The following TACR1 variants were observed in gnomAD, a reference collection of about 807,000 sequenced individuals.
The protein encoded by TACR1 is tachykinin receptor 1.
Under a neutral mutation model 35.8 loss-of-function variants are expected in TACR1, and 25 were observed. The ratio of observed to expected loss-of-function variants is 0.70; its 90% confidence interval spans 0.51 to 0.98. TACR1 has a LOEUF of 0.98. TACR1 is among the 50% of genes least tolerant of loss of function. The pLI is 0.00. For synonymous variants in TACR1, 195 were observed against 206.7 expected (o/e 0.94, Z 0.48); for missense variants, 478 against 522.9 (o/e 0.91, Z 0.84).
intron 1 of TACR1, among the ~76,000 whole-genome samples, chr2:75,197,387 T>C (rs1194617873): frequency 6.6e-6 from 1 of 152,194 alleles, no homozygotes; most frequent in Admixed American, 6.5e-5. Flanking sequence ...TTTTTTGAAG[T>C]TTTCTCCTAG....
Position 75,049,591 on chromosome 2 carries a change from C to T in TACR1, c.1065G>A (p.Glu355=). The T allele has an allele frequency of 6.2e-7, 1 of 1,614,138 alleles. No homozygotes were observed. Among genetic ancestry groups the T allele is most frequent in the South Asian group, 1.1e-5 (1 of 91,086 alleles). ...QGSVYKVSRL[E]TTISTVVGAH... The stretch of plus-strand genomic sequence containing the variant: ...CCCCCACCACTGTGGAGATGGTGGT[C>T]TCCAGGCGGCTGACTTTGTACACAC... The change falls in exon 5 of 5, where the codon GAG becomes GAA. Residue 355 remains glutamate (E), a synonymous_variant. Transcript: ENST00000305249.
At chr2:75,176,315 G>A (rs750181736) in intron 1 of TACR1, among the ~76,000 whole-genome samples, 2 of 150,834 alleles carry the variant, frequency 1.3e-5, no homozygotes, top group Non-Finnish European at 3.0e-5. Context: ...TAGTAAAGGA[G>A]ACATTATACA....
chr2:75,195,372 C>T (rs1253968284), intron 1 of TACR1, among the ~76,000 whole-genome samples: 1 of 150,802 alleles, frequency 6.6e-6, no homozygotes, highest in Non-Finnish European at 1.5e-5. Context: ...TTTCTTCCCT[C>T]TTCCCTCCTT....
Position 75,121,213 on chromosome 2 carries a change from G to A in TACR1, c.390-445C>T, listed in dbSNP as rs189897046. Among the ~76,000 whole-genome samples the A allele has an allele frequency of 8.5e-5, 13 of 152,288 alleles. No homozygotes were observed. In the East Asian group the frequency reaches 1.5e-3, roughly 18 times the overall value. On this transcript the variant is annotated intron_variant, in intron 1 of 4. Transcript: ENST00000305249. The stretch of plus-strand genomic sequence containing the variant: ...CCTTATGTGATATTATAAAAGATTA[G>A]CAGTCCTACCTCGGTCCATACAATT...
chr2:75,110,572 G>A (rs1210136466), intron 2 of TACR1, among the ~76,000 whole-genome samples: 1 of 151,664 alleles, frequency 6.6e-6, no homozygotes, highest in African/African-American at 2.4e-5. Flanking sequence ...GGCACTAACT[G>A]CACATATTAC....
At chr2:75,098,233 T>C (rs1673463469) in intron 2 of TACR1, among the ~76,000 whole-genome samples, 1 of 152,222 alleles carries the variant, frequency 6.6e-6, no homozygotes, top group African/African-American at 2.4e-5. Context: ...AGATTGCTTT[T>C]AGTGCTTAGT....
intron 2 of TACR1, among the ~76,000 whole-genome samples, chr2:75,081,237 G>A (rs1673080286): frequency 6.6e-6 from 1 of 152,290 alleles, no homozygotes; most frequent in South Asian, 2.1e-4. Flanking sequence ...ACAAAAAATT[G>A]TATAACGGGC....
intron 2 of TACR1, among the ~76,000 whole-genome samples, chr2:75,098,037 G>A (rs1673459767): frequency 6.6e-6 from 1 of 152,182 alleles, no homozygotes; most frequent in Non-Finnish European, 1.5e-5. Context: ...GCTGGCTCTG[G>A]CACACTGCTG....
At chr2:75,114,734 T>C (rs1673816507) in intron 2 of TACR1, among the ~76,000 whole-genome samples, 1 of 152,214 alleles carries the variant, frequency 6.6e-6, no homozygotes, top group Admixed American at 6.5e-5. Context: ...CTGTCAGTCA[T>C]CTCCACCTTC....
At chr2:75,055,756 A>T (rs1162171537) in intron 2 of TACR1, among the ~76,000 whole-genome samples, 1 of 152,138 alleles carries the variant, frequency 6.6e-6, no homozygotes, top group Non-Finnish European at 1.5e-5. Context: ...TGGCCCTCAA[A>T]CTCGAGTGGG....
At chr2:75,055,537 G>T (rs1422639968) in intron 2 of TACR1, among the ~76,000 whole-genome samples, 1 of 152,182 alleles carries the variant, frequency 6.6e-6, no homozygotes, top group Non-Finnish European at 1.5e-5. Flanking sequence ...GAGACTACAG[G>T]GGCAGGGAGA....
chr2:75,150,905 G>A (rs897657960), intron 1 of TACR1, among the ~76,000 whole-genome samples: 1 of 152,206 alleles, frequency 6.6e-6, no homozygotes, highest in African/African-American at 2.4e-5. Flanking sequence ...ATGGAGATGA[G>A]GAACTTGTTG....
At chr2:75,157,762 T>C (rs561739640) in intron 1 of TACR1, among the ~76,000 whole-genome samples, 2 of 152,316 alleles carry the variant, frequency 1.3e-5, no homozygotes, top group Admixed American at 1.3e-4. Flanking sequence ...TTCAAATATT[T>C]CATTCTGTTC....
At chr2:75,084,795 T>C (rs1287048194) in intron 2 of TACR1, among the ~76,000 whole-genome samples, 2 of 152,130 alleles carry the variant, frequency 1.3e-5, no homozygotes, top group Non-Finnish European at 2.9e-5. Context: ...ATTTTTTAAT[T>C]AGTCTATTTG....
chr2:75,163,956 C>T (rs1279015141), intron 1 of TACR1, among the ~76,000 whole-genome samples: 1 of 151,818 alleles, frequency 6.6e-6, no homozygotes, highest in Non-Finnish European at 1.5e-5. Flanking sequence ...AAATTATCAC[C>T]CTTGTCTTGA....
intron 1 of TACR1, among the ~76,000 whole-genome samples, chr2:75,190,385 G>T (rs1347476613): frequency 6.6e-6 from 1 of 152,194 alleles, no homozygotes; most frequent in African/African-American, 2.4e-5. Flanking sequence ...AAGATGGAAA[G>T]AATGTTGAAA....
At chr2:75,162,624 C>G (rs535761887) in intron 1 of TACR1, among the ~76,000 whole-genome samples, 38 of 152,370 alleles carry the variant, frequency 2.5e-4, no homozygotes, top group Admixed American at 1.6e-3. Context: ...AATTATATTT[C>G]ATGACTTTCT....
At position 75,172,049 on chromosome 2, in the gene TACR1, C is replaced by G. The variant is rs185279365; in HGVS notation, c.389+26497G>C. On this transcript the variant is annotated intron_variant, in intron 1 of 4. Coordinates refer to ENST00000305249, the MANE Select transcript of TACR1 (RefSeq NM_001058.4). ...TTCTTCATAGCAGTATGAAAATGGA[C>G]TAATGCATGCAGATATTTTGATTGT... Among the ~76,000 whole-genome samples, 8 of 152,316 alleles carry G rather than the reference C, an allele frequency of 5.3e-5. No individual in the cohort carries two copies. In the East Asian group the frequency reaches 1.5e-3, roughly 29 times the overall value.
At chr2:75,147,472 A>G (rs1384813392) in intron 1 of TACR1, among the ~76,000 whole-genome samples, 1 of 152,138 alleles carries the variant, frequency 6.6e-6, no homozygotes, top group East Asian at 1.9e-4. Flanking sequence ...AGGTTCATAT[A>G]TGCGTGCCAT....
Sources: allele counts gnomAD v4.1 joint callset (sites outside exome capture counted in the v4.1 genomes callset), GRCh38; gene constraint gnomAD v4.1.1; transcripts MANE v1.5; gene names NCBI Gene and HGNC (gene_info 2026-07-23, HGNC 2026-07-21).